SIPA1L1: variants seen among roughly 807,000 people sequenced by gnomAD.
SIPA1L1 encodes the protein signal induced proliferation associated 1 like 1, also known as signal-induced proliferation-associated 1-like protein 1.
In SIPA1L1, 26 loss-of-function variants were observed where a neutral mutation model predicts 162.7. That is an observed-to-expected ratio of 0.16 (90% CI 0.12 to 0.22). SIPA1L1 has a LOEUF of 0.22. SIPA1L1 is among the 10% of genes least tolerant of loss of function. SIPA1L1 has a pLI of 1.00. For missense variants in SIPA1L1, 1,874 were observed against 2,241.0 expected (o/e 0.84, Z 3.31); for synonymous variants, 829 against 837.4 (o/e 0.99, Z 0.17).
At chr14:71,496,193 G>A (rs1216870415) in intron 2 of SIPA1L1, among the ~76,000 whole-genome samples, 1 of 152,012 alleles carries the variant, frequency 6.6e-6, no homozygotes, top group African/African-American at 2.4e-5. Context: ...TTTGAGCTGG[G>A]TGTGGTGGCA....
chr14:71,504,097 G>A (rs575779853), intron 2 of SIPA1L1, among the ~76,000 whole-genome samples: 5 of 151,976 alleles, frequency 3.3e-5, no homozygotes, highest in Middle Eastern at 6.8e-3. Flanking sequence ...GAGCCATCGC[G>A]CCCAGTCCTA....
intron 2 of SIPA1L1, among the ~76,000 whole-genome samples, chr14:71,495,804 C>T (rs939890317): frequency 7.3e-6 from 1 of 137,292 alleles, no homozygotes; most frequent in Non-Finnish European, 1.5e-5. Flanking sequence ...AATCCCAGCA[C>T]TTTGAGAGGC....
At chr14:71,734,142 C>G (rs939239328) in intron 21 of SIPA1L1, among the ~76,000 whole-genome samples, 2 of 152,402 alleles carry the variant, frequency 1.3e-5, no homozygotes, top group Non-Finnish European at 2.9e-5. Context: ...CATCACGTCG[C>G]AAGACATTGT....
intron 4 of SIPA1L1, among the ~76,000 whole-genome samples, chr14:71,572,145 C>T (rs1316517455): frequency 6.6e-6 from 1 of 152,054 alleles, no homozygotes; most frequent in Non-Finnish European, 1.5e-5. Flanking sequence ...CAGTTCTACT[C>T]CCATGATAGC....
rs758756677 is a variant in SIPA1L1, at chr14:71,705,359, T to TA, written c.3765+25dup. 1 of 1,539,150 alleles carries TA rather than the reference T, an allele frequency of 6.5e-7. No homozygotes were observed. The highest frequency in any genetic ancestry group is 9.0e-7 in the Non-Finnish European group (1 of 1,111,722). ...AGGGCATGTAAGTTAACTGTAAACT[T>TA]AAAAAAGTATTAGATTCCTAGCAGT... On this transcript the variant is annotated intron_variant, in intron 16 of 23. Transcript: ENST00000381232.
At position 71,656,193 on chromosome 14, in the gene SIPA1L1, G is replaced by A. The variant is rs189088868; in HGVS notation, c.1994-2140G>A. Reference sequence around the variant, plus strand: ...TAGCATACATTGTGTGAAATGAGACGTGGAGGACAGAGAGAAGGGGCTAGA... The same window carrying A: ...TAGCATACATTGTGTGAAATGAGACATGGAGGACAGAGAGAAGGGGCTAGA... On this transcript the variant is annotated intron_variant, in intron 8 of 23. Transcript: ENST00000381232. Among the ~76,000 whole-genome samples the A allele has an allele frequency of 1.9e-4, 29 of 152,314 alleles. 2 individuals are homozygous for A. Among genetic ancestry groups the A allele is most frequent in the South Asian group, 1.2e-3 (6 of 4,828 alleles).
At position 71,377,793 on chromosome 14, in the gene SIPA1L1, G is replaced by A. The variant is rs538809485; in HGVS notation, c.-465+56612G>A. Among the ~76,000 whole-genome samples the A allele has an allele frequency of 6.6e-6, 1 of 152,208 alleles. No homozygotes were observed. Among genetic ancestry groups the A allele is most frequent in the Admixed American group, 6.5e-5 (1 of 15,282 alleles). On this transcript the variant is annotated intron_variant, in intron 2 of 23. Transcript: ENST00000381232. This position sits in a 1 kb window ranked among gnomAD's most constrained non-coding sequence, Gnocchi z 4.8. ...AGCTGGAGACCAGTCCGGCCAACAC[G>A]GCGAAACCCCGTCTCCACCAAAAAA...
intron 2 of SIPA1L1, among the ~76,000 whole-genome samples, chr14:71,483,636 A>G (rs1438086334): frequency 6.6e-6 from 1 of 152,172 alleles, no homozygotes; most frequent in Admixed American, 6.6e-5. Flanking sequence ...CTGATTTACC[A>G]TCCCATCCCA....
intron 2 of SIPA1L1, among the ~76,000 whole-genome samples, chr14:71,479,554 C>T (rs772976004): frequency 1.3e-5 from 2 of 151,864 alleles, no homozygotes; most frequent in Admixed American, 6.6e-5. Flanking sequence ...TGCCACGATG[C>T]GGGGCCAATT....
intron 4 of SIPA1L1, among the ~76,000 whole-genome samples, chr14:71,540,819 C>T (rs140914951): frequency 3.9e-5 from 6 of 152,030 alleles, no homozygotes; most frequent in Admixed American, 1.3e-4. Context: ...CAAGCTGTAA[C>T]GCATTAATCA....
In SIPA1L1 at chr14:71,709,271, A is replaced by G. The variant is rs1473812441; in HGVS notation, c.3815A>G (p.Asn1272Ser). The change falls in exon 17 of 24, where the codon AAT becomes AGT. Residue 1272 changes from asparagine to serine, a missense_variant. Coordinates refer to ENST00000381232, the MANE Select transcript of SIPA1L1 (RefSeq NM_001386936.1). ...SHSSSNTLSSNASSAHSDEKW... is the reference protein window; with the variant it reads ...SHSSSNTLSSSASSAHSDEKW... The stretch of plus-strand genomic sequence containing the variant: ...TCCAGTAGCAATACTCTCTCCAGCA[A>G]TGCGTCAAGTGCCCATAGTGATGAG... 7 of 1,614,194 alleles carry G rather than the reference A, an allele frequency of 4.3e-6. No individual in the cohort carries two copies. Among genetic ancestry groups the G allele is most frequent in the Non-Finnish European group, 5.9e-6 (7 of 1,180,044 alleles).
intron 2 of SIPA1L1, among the ~76,000 whole-genome samples, chr14:71,443,545 T>C (rs1195827421): frequency 6.6e-6 from 1 of 152,210 alleles, no homozygotes; most frequent in Admixed American, 6.5e-5. Context: ...CAGTATTTAA[T>C]GTACTTGAGA....
chr14:71,674,002 G>T (rs1443346566), intron 12 of SIPA1L1, among the ~76,000 whole-genome samples: 1 of 152,224 alleles, frequency 6.6e-6, no homozygotes, highest in Non-Finnish European at 1.5e-5. Context: ...CAGTCTTGCT[G>T]CATTCCTTGT....
At chr14:71,605,924 G>A (rs1449998754) in intron 5 of SIPA1L1, among the ~76,000 whole-genome samples, 1 of 152,176 alleles carries the variant, frequency 6.6e-6, no homozygotes, top group East Asian at 1.9e-4. Context: ...GCCCTGGGAA[G>A]CAGGCATGAT....
At chr14:71,492,296 TAGTTTAGA>T (rs1190103912) in intron 2 of SIPA1L1, among the ~76,000 whole-genome samples, 1 of 152,124 alleles carries the variant, frequency 6.6e-6, no homozygotes, top group Non-Finnish European at 1.5e-5. Flanking sequence ...TTGTTTTTAT[TAGTTTAGA>T]AGTTTTAATC....
In SIPA1L1 at chr14:71,588,998, C is replaced by T. The variant is rs777228891; in HGVS notation, c.1126C>T (p.Leu376=). Residue 376 remains leucine (L), a synonymous_variant, in exon 5 of 24, where the codon CTG becomes TTG. Coordinates refer to ENST00000381232, the MANE Select transcript of SIPA1L1 (RefSeq NM_001386936.1). This position sits in a 1 kb window ranked among gnomAD's most constrained non-coding sequence, Gnocchi z 4.3. ...CGTGGCATCCTTGGTCTCTGGACCT[C>T]TGTCTCATTCAGCCAGTTTTAGCTC... The part of the protein sequence containing the change: ...AAVASLVSGP[L]SHSASFSSPM... 1 of 1,614,016 alleles carries T rather than the reference C, an allele frequency of 6.2e-7. No homozygotes were observed.
At chr14:71,613,818 C>CTACA (rs1226752723) in intron 5 of SIPA1L1, among the ~76,000 whole-genome samples, 2 of 152,144 alleles carry the variant, frequency 1.3e-5, no homozygotes, top group African/African-American at 4.8e-5. Context: ...ATTTAAAGTG[C>CTACA]TACATCACAG....
At chr14:71,503,447 AAGT>A (rs2050405998) in intron 2 of SIPA1L1, among the ~76,000 whole-genome samples, 1 of 152,220 alleles carries the variant, frequency 6.6e-6, no homozygotes, top group South Asian at 2.1e-4. Context: ...GTATAGGCAG[AAGT>A]AGTAGAATAC....
chr14:71,587,841 T>A lies in SIPA1L1; in HGVS notation c.-32T>A. The A allele has an allele frequency of 6.3e-7, 1 of 1,576,184 alleles. No homozygotes were observed. Among genetic ancestry groups the A allele is most frequent in the African/African-American group, 1.4e-5 (1 of 74,036 alleles). Reference sequence around the variant, plus strand: ...AAAACACAGATATGATGGTCCTTGCTGCAGGGATTTAAGTCTACTTGCTTT... The same window carrying A: ...AAAACACAGATATGATGGTCCTTGCAGCAGGGATTTAAGTCTACTTGCTTT... On this transcript the variant is annotated 5_prime_UTR_variant, in exon 5 of 24. Coordinates refer to ENST00000381232, the MANE Select transcript of SIPA1L1 (RefSeq NM_001386936.1).
Sources: allele counts gnomAD v4.1 joint callset (sites outside exome capture counted in the v4.1 genomes callset), GRCh38; gene constraint gnomAD v4.1.1; non-coding constraint Gnocchi (gnomAD v3.1); transcripts MANE v1.5; gene names NCBI Gene and HGNC (gene_info 2026-07-23, HGNC 2026-07-21).